SMAD6: variants seen among roughly 807,000 people sequenced by gnomAD.
The protein encoded by SMAD6 is MAD homolog 6.
A neutral mutation model predicts 39.4 loss-of-function variants in SMAD6; 103 were observed. The ratio of observed to expected loss-of-function variants is 2.62; its 90% CI spans 2.23 to 3.08. SMAD6 has a LOEUF of 3.08. Ranked by LOEUF, SMAD6 falls within the 30% of genes most tolerant of loss-of-function variation. The pLI, the probability that SMAD6 is intolerant of heterozygous loss-of-function variation, is 0.00. For synonymous variants in SMAD6, 445 were observed against 353.3 expected, an observed-to-expected ratio of 1.26 and a Z score of -2.91; for missense variants, 1,104 against 742.9, an observed-to-expected ratio of 1.49 and a Z score of -5.65.
rs551363987 is a variant in SMAD6, at chr15:66,728,318, A to C, written c.952+11820A>C. The stretch of plus-strand genomic sequence containing the variant: ...TGTAGTTTTCTGGTTTTTGAACCCG[A>C]TGCACACAGAGGCATACCTTGTTGG... On this transcript the variant is annotated intron_variant, in intron 3 of 3. Coordinates refer to ENST00000288840, the MANE Select transcript of SMAD6 (RefSeq NM_005585.5). 3.3e-5 allele frequency among the ~76,000 whole-genome samples: 5 copies of C among 152,166 alleles called. No individual in the cohort carries two copies. In the South Asian group the frequency reaches 1.0e-3, roughly 32 times the overall value.
intron 3 of SMAD6, among the ~76,000 whole-genome samples, chr15:66,770,093 G>T (rs1894354938): frequency 6.6e-6 from 1 of 152,210 alleles, no homozygotes; most frequent in Non-Finnish European, 1.5e-5. Context: ...CTCCCAAAGT[G>T]CCGGGATTGC....
Position 66,703,807 on chromosome 15 carries a change from CAAG to C in SMAD6, c.550_552del (p.Lys184del). 2.1e-6 allele frequency: 3 copies of C among 1,434,420 alleles called. No individual in the cohort carries two copies. The highest frequency in any genetic ancestry group is 2.2e-5 in the Admixed American group (1 of 45,448). 88.9% of individuals were successfully genotyped at this position (1,434,420 alleles called of 1,614,324 possible). On this transcript the variant is annotated inframe_deletion, in exon 1 of 4. Coordinates refer to ENST00000288840, the MANE Select transcript of SMAD6 (RefSeq NM_005585.5). ...TCACGTACTCGCTGCTGAAGCGGCT[CAAG>C]GAGCGCTCGCTGGACACGCTGCTGG...
Position 66,781,407 on chromosome 15 carries a change from G to A in SMAD6, c.1363G>A (p.Ala455Thr), listed in dbSNP as rs757903457. The change falls in exon 4 of 4, where the codon GCC becomes ACC. Residue 455 changes from alanine to threonine, a missense_variant. Physicochemically the swap from Ala to Thr is moderately conservative, Grantham distance 58. Transcript: ENST00000288840. ...GCAGCACGCGCCCGAGCCCGACGCC[G>A]CCGACGGCCCCTACGACCCCAACAG... ...GLQHAPEPDA[A>T]DGPYDPNSVR... 4.4e-6 allele frequency: 7 copies of A among 1,603,484 alleles called. No individual in the cohort carries two copies. In the South Asian group the frequency reaches 4.4e-5, roughly 10 times the overall value.
rs182992371 is a variant in SMAD6 at position 66,731,122 on chromosome 15, G to A, written c.952+14624G>A. ...ACCATTATTGCACAATCAAGATAGA[G>A]AACATTTCTATTACCCTTAAAAGTT... On this transcript the variant is annotated intron_variant, in intron 3 of 3. Coordinates refer to ENST00000288840, the MANE Select transcript of SMAD6 (RefSeq NM_005585.5). Among the ~76,000 whole-genome samples the A allele has an allele frequency of 5.2e-3, 798 of 152,334 alleles. 8 individuals are homozygous for A. Among genetic ancestry groups the A allele is most frequent in the African/African-American group, 0.018 (763 of 41,562 alleles).
At chr15:66,715,327 C>A (rs144381303) in intron 2 of SMAD6, among the ~76,000 whole-genome samples, 2 of 150,032 alleles carry the variant, frequency 1.3e-5, no homozygotes, top group East Asian at 3.9e-4. Flanking sequence ...AATGTTTTAT[C>A]TTCCTGCTCC....
intron 3 of SMAD6, among the ~76,000 whole-genome samples, chr15:66,739,457 G>A (rs1893774898): frequency 6.6e-6 from 1 of 152,220 alleles, no homozygotes; most frequent in Non-Finnish European, 1.5e-5. Flanking sequence ...TGGGCAGGCA[G>A]GCCGTCAAGA....
intron 2 of SMAD6, among the ~76,000 whole-genome samples, chr15:66,713,579 A>C (rs61049230): frequency 0.14 from 21,741 of 152,186 alleles, 1,612 homozygotes; most frequent in South Asian, 0.16. Flanking sequence ...TGGCCTCCCA[A>C]AGTGCTGGGA....
chr15:66,749,381 C>G (rs193241111), intron 3 of SMAD6, among the ~76,000 whole-genome samples: 1 of 152,172 alleles, frequency 6.6e-6, no homozygotes, highest in Non-Finnish European at 1.5e-5. Flanking sequence ...TCGATTGAAC[C>G]TTGCTGGCAG....
chr15:66,748,110 C>T lies in SMAD6; in HGVS notation c.952+31612C>T, dbSNP rs1893938008. On this transcript the variant is annotated intron_variant, in intron 3 of 3. Transcript: ENST00000288840. ...ATAATCAAAATATTTGGGGAAAAGA[C>T]CTTAAGATTACTTATGGCTATTAGT... Among the ~76,000 whole-genome samples, 11 of 152,144 alleles carry T rather than the reference C, an allele frequency of 7.2e-5. No homozygotes were observed. The South Asian group carries it at 2.1e-3, about 29-fold the overall frequency.
At chr15:66,735,804 C>G (rs1434823644) in intron 3 of SMAD6, among the ~76,000 whole-genome samples, 2 of 152,048 alleles carry the variant, frequency 1.3e-5, no homozygotes, top group Non-Finnish European at 2.9e-5. Context: ...CATGCACACA[C>G]ACATACACAC....
In SMAD6 at chr15:66,724,314, A is replaced by AAT. The variant is rs1202370204; in HGVS notation, c.952+7816_952+7817insAT. Among the ~76,000 whole-genome samples the AAT allele has an allele frequency of 2.5e-3, 335 of 136,608 alleles. 1 individual carries two copies. Among genetic ancestry groups the AAT allele is most frequent in the African/African-American group, 8.6e-3 (315 of 36,466 alleles). 89.6% of individuals were successfully genotyped at this position (136,608 alleles called of 152,430 possible). On this transcript the variant is annotated intron_variant, in intron 3 of 3. Coordinates refer to ENST00000288840, the MANE Select transcript of SMAD6 (RefSeq NM_005585.5). ...TGAATGAATGAATGAATGAATGAAA[A>AAT]TGAATGAATGAATTTTTGCCTGGGG...
rs561016216 is a variant in SMAD6, at chr15:66,703,476, G to C, written c.218G>C (p.Gly73Ala). ...CCGCGGCGGCCCCGGGACGCAGTGGGACAGCGAGGCGCCCAGGGCGCGGGG... is the reference window on the plus strand; with the variant it reads ...CCGCGGCGGCCCCGGGACGCAGTGGCACAGCGAGGCGCCCAGGGCGCGGGG... ...VAPRRPRDAV[G>A]QRGAQGAGRR... Residue 73 changes from glycine (G) to alanine (A), a missense_variant, in exon 1 of 4, where the codon GGA becomes GCA. Coordinates refer to ENST00000288840, the MANE Select transcript of SMAD6 (RefSeq NM_005585.5). The C allele has an allele frequency of 1.6e-6, 2 of 1,241,260 alleles. No homozygotes were observed. The highest frequency in any genetic ancestry group is 4.0e-5 in the South Asian group (1 of 24,912). 76.9% of individuals were successfully genotyped at this position (1,241,260 alleles called of 1,614,324 possible).
chr15:66,765,617 T>C (rs1461105834), intron 3 of SMAD6, among the ~76,000 whole-genome samples: 1 of 152,178 alleles, frequency 6.6e-6, no homozygotes, highest in African/African-American at 2.4e-5. Context: ...GATTACTCCC[T>C]TCCTACACAA....
intron 1 of SMAD6, chr15:66,708,874 T>C (rs1035033749): frequency 2.6e-6 from 1 of 391,080 alleles, no homozygotes; most frequent in African/African-American, 2.1e-5. Flanking sequence ...ACTGTGAATA[T>C]ACTCAAAAAC....
At chr15:66,728,475 C>A (rs1298870168) in intron 3 of SMAD6, among the ~76,000 whole-genome samples, 2 of 151,776 alleles carry the variant, frequency 1.3e-5, no homozygotes, top group Non-Finnish European at 2.9e-5. Flanking sequence ...GATGTGATCT[C>A]GGCTCACTGC....
chr15:66,745,475 A>C (rs1456802832), intron 3 of SMAD6, among the ~76,000 whole-genome samples: 1 of 149,558 alleles, frequency 6.7e-6, no homozygotes, highest in African/African-American at 2.5e-5. Flanking sequence ...GTTCTCTTCT[A>C]CTCCTTTCCC....
Position 66,723,731 on chromosome 15 carries a change from G to C in SMAD6, c.952+7233G>C, listed in dbSNP as rs147660119. On this transcript the variant is annotated intron_variant, in intron 3 of 3. Transcript: ENST00000288840. ...AAAGAAGAATTTATTATAAAAAGGG[G>C]GAAAAAAGAATCTACTACATGCCAG... is the stretch of plus-strand genomic sequence containing the variant. Among the ~76,000 whole-genome samples, 804 of 152,098 alleles carry C rather than the reference G, an allele frequency of 5.3e-3. 7 individuals carry two copies. Among genetic ancestry groups the C allele is most frequent in the African/African-American group, 0.019 (770 of 41,452 alleles).
In SMAD6 at chr15:66,703,945, C is replaced by T. The variant is rs531829825; in HGVS notation, c.687C>T (p.Leu229=). 2.5e-5 allele frequency: 35 copies of T among 1,390,276 alleles called. No homozygotes were observed. The highest frequency in any genetic ancestry group is 8.4e-5 in the Admixed American group (3 of 35,624). 86.1% of individuals were successfully genotyped at this position (1,390,276 alleles called of 1,614,324 possible). A position where few individuals can be genotyped will look rare whatever the true frequency, so the allele number is the denominator to read the frequency against. The change falls in exon 1 of 4, where the codon CTC becomes CTT. Residue 229 remains leucine, a synonymous_variant. Transcript: ENST00000288840. ...PAPPQLLLGR[L]FRWPDLQHAV... is the part of the protein sequence containing the mutation. Reference sequence around the variant, plus strand: ...CGCCGCAGCTGCTGCTCGGCCGCCTCTTTCGCTGGCCCGACCTGCAGCACG... The same window carrying T: ...CGCCGCAGCTGCTGCTCGGCCGCCTTTTTCGCTGGCCCGACCTGCAGCACG...
intron 3 of SMAD6, among the ~76,000 whole-genome samples, chr15:66,731,392 C>T (rs1432534025): frequency 6.6e-6 from 1 of 150,686 alleles, no homozygotes; most frequent in Non-Finnish European, 1.5e-5. Context: ...GAGCCGAGAT[C>T]CCGCCACTGC....
Sources: gnomAD v4.1 joint callset for allele counts (sites outside exome capture counted in the v4.1 genomes callset) on GRCh38, gnomAD v4.1.1 for gene constraint, MANE v1.5 for transcripts, NCBI Gene and HGNC (gene_info 2026-07-23, HGNC 2026-07-21) for gene names.